Variants in SPG7 observed in about 807,000 individuals in gnomAD.
The protein encoded by SPG7 is mitochondrial inner membrane m-AAA protease component paraplegin.
A neutral mutation model predicts 81.9 loss-of-function variants in SPG7; 103 were observed. That is an observed-to-expected ratio of 1.26 (90% confidence interval 1.07 to 1.48). SPG7 has a LOEUF of 1.48. Ranked by LOEUF, SPG7 falls within the 40% of genes most tolerant of loss-of-function variation. SPG7 has a pLI of 0.00. For missense variants in SPG7, 1,241 were observed against 1,087.3 expected (o/e 1.14, Z -1.99); for synonymous variants, 534 against 444.2 (o/e 1.20, Z -2.54).
In SPG7 at chr16:89,524,020, C is replaced by T. The variant is rs369091800; in HGVS notation, c.391C>T (p.Arg131Cys). ...PEEDEEERRR[R>C]ERDDQMYRER... ...TGCCGGCTCAGAGGAGAGGAGACGC[C>T]GTGAGCGGGACGACCAGATGTACCG... The change falls in exon 4 of 17, where the codon CGT becomes TGT. Residue 131 changes from arginine to cysteine, a missense_variant. Physicochemically the swap from Arg to Cys is radical, Grantham distance 180 (BLOSUM62 -3). Transcript: ENST00000645818. The T allele has an allele frequency of 9.3e-6, 15 of 1,612,798 alleles. No homozygotes were observed. The highest frequency in any genetic ancestry group is 8.3e-5 in the Admixed American group (5 of 59,986).
chr16:89,514,935 CTTT>C (rs56327708), intron 3 of SPG7, among the ~76,000 whole-genome samples: 79 of 122,502 alleles, frequency 6.4e-4, no homozygotes, highest in Middle Eastern at 5.0e-3. Context: ...TGGCCTTGAC[CTTT>C]TTTTTTTTTT....
intron 16 of SPG7, chr16:89,555,084 CTTT>C (rs1429443142): frequency 3.7e-4 from 48 of 130,298 alleles, no homozygotes; most frequent in Middle Eastern, 3.6e-3. Context: ...CTCGGCTTTT[CTTT>C]TTTTTTTTTT....
intron 7 of SPG7, 74 bp downstream of exon 7, chr16:89,530,882 G>A (rs940559688): frequency 6.9e-6 from 11 of 1,600,304 alleles, no homozygotes; most frequent in South Asian, 4.4e-5. Context: ...GGGCTCCTGC[G>A]GGACCTGGAA....
intron 9 of SPG7, chr16:89,541,248 C>T (rs1189016732): frequency 1.0e-6 from 1 of 984,984 alleles, no homozygotes; most frequent in East Asian, 1.1e-4. Flanking sequence ...GTGTTCTACG[C>T]AGCAATAGAA....
chr16:89,525,026 G>A (rs2058242577), intron 4 of SPG7, among the ~76,000 whole-genome samples: 1 of 138,036 alleles, frequency 7.2e-6, no homozygotes, highest in African/African-American at 2.7e-5. Context: ...TGTGTGTGAT[G>A]TCGGCTCACT....
At chr16:89,552,958 G>T in intron 13 of SPG7, 21 bp from the exon 14 acceptor site, 3 of 1,613,028 alleles carry the variant, frequency 1.9e-6, no homozygotes, top group Non-Finnish European at 2.5e-6. Flanking sequence ...ACTGACCTGG[G>T]TCATCTTGAC....
At position 89,546,708 on chromosome 16, in the gene SPG7, G is replaced by A. The variant is rs371160168; in HGVS notation, c.1500G>A (p.Gln500=). Residue 500 remains glutamine (Q), a synonymous_variant, in exon 11 of 17, where the codon CAG becomes CAA. Transcript: ENST00000645818. ...ACCTGAAGAGCCTGAAGCTGACCCAGTCCAGCACCTTTTACTCCCAGCGTC... is the reference window on the plus strand; with the variant it reads ...ACCTGAAGAGCCTGAAGCTGACCCAATCCAGCACCTTTTACTCCCAGCGTC... The part of the protein sequence containing the change: ...EQHLKSLKLT[Q]SSTFYSQRLA... 1.2e-6 allele frequency: 2 copies of A among 1,613,824 alleles called. No homozygotes were observed. The highest frequency in any genetic ancestry group is 2.7e-5 in the African/African-American group (2 of 74,910).
chr16:89,541,374 T>C, intron 9 of SPG7: 1 of 946,470 alleles, frequency 1.1e-6, no homozygotes, highest in Non-Finnish European at 1.3e-6. Context: ...TAGTATCGTA[T>C]GACTCCACTT....
intron 15 of SPG7, 27 bp downstream of exon 15, chr16:89,553,987 C>T (rs747799763): frequency 1.2e-6 from 2 of 1,607,562 alleles, no homozygotes; most frequent in Non-Finnish European, 1.7e-6. Flanking sequence ...CACACCGCTG[C>T]CCTCTGTGCT....
At chr16:89,535,475 C>T (rs2152405131) in intron 9 of SPG7, among the ~76,000 whole-genome samples, 1 of 152,326 alleles carries the variant, frequency 6.6e-6, no homozygotes, top group East Asian at 1.9e-4. Context: ...CTGCTTGTCC[C>T]CCGTGTCTCC....
At chr16:89,511,634 A>C (rs1308744082) in intron 2 of SPG7, among the ~76,000 whole-genome samples, 7 of 152,218 alleles carry the variant, frequency 4.6e-5, no homozygotes, top group African/African-American at 1.4e-4. Context: ...GGTGACATGC[A>C]AGTGGCAACC....
chr16:89,548,995 G>C (rs1202212996), intron 12 of SPG7: 2 of 455,586 alleles, frequency 4.4e-6, no homozygotes, highest in Non-Finnish European at 8.8e-6. Flanking sequence ...CAGGGCTTCA[G>C]CTTGGGAAAG....
chr16:89,524,296 G>A, intron 4 of SPG7, 49 bp downstream of exon 4: 1 of 1,576,396 alleles, frequency 6.3e-7, no homozygotes, highest in Non-Finnish European at 8.6e-7. Context: ...GGCACAGGCT[G>A]GCAGCCTGTG....
intron 6 of SPG7, 159 bp downstream of exon 6, chr16:89,529,738 G>A (rs921203995): frequency 2.7e-5 from 19 of 697,516 alleles, no homozygotes; most frequent in South Asian, 2.1e-4. Context: ...CCCATGGTCC[G>A]GCTGTAAGGC....
intron 4 of SPG7, among the ~76,000 whole-genome samples, chr16:89,525,608 T>G (rs1425769811): frequency 1.3e-5 from 2 of 152,160 alleles, no homozygotes; most frequent in Non-Finnish European, 2.9e-5. Context: ...TTTGGGGTGT[T>G]GCCGTCCAGT....
intron 2 of SPG7, among the ~76,000 whole-genome samples, chr16:89,512,522 A>C (rs370233814): frequency 7.2e-5 from 11 of 152,126 alleles, no homozygotes; most frequent in African/African-American, 2.4e-4. Context: ...CATCTCAGCC[A>C]GTCTGGTCTT....
At chr16:89,513,860 T>C (rs1311608530) in intron 3 of SPG7, among the ~76,000 whole-genome samples, 3 of 152,244 alleles carry the variant, frequency 2.0e-5, no homozygotes, top group Non-Finnish European at 4.4e-5. Context: ...TTTCTTCCCA[T>C]GTTGCTTTTC....
chr16:89,536,185 C>T (rs1321834913), intron 9 of SPG7, among the ~76,000 whole-genome samples: 1 of 114,120 alleles, frequency 8.8e-6, no homozygotes, highest in African/African-American at 3.3e-5. Flanking sequence ...GTGTGGCCTT[C>T]AGTGTGGCCT....
chr16:89,512,061 G>A (rs532858312), intron 2 of SPG7, among the ~76,000 whole-genome samples: 136 of 152,040 alleles, frequency 8.9e-4, no homozygotes, highest in African/African-American at 3.0e-3. Flanking sequence ...ACAGGTGCCC[G>A]CCACTATGCC....
Sources: gnomAD v4.1 joint callset for allele counts (sites outside exome capture counted in the v4.1 genomes callset) on GRCh38, gnomAD v4.1.1 for gene constraint, MANE v1.5 for transcripts, NCBI Gene and HGNC (gene_info 2026-07-23, HGNC 2026-07-21) for gene names.